ZNF197: variants seen among roughly 807,000 people sequenced by gnomAD.
ZNF197 encodes zinc finger protein 197, also known as VHL-associated KRAB-A domain-containing protein.
In ZNF197, 14 loss-of-function variants were observed where a neutral mutation model predicts 27.4. That is an observed-to-expected ratio of 0.51 (90% CI 0.34 to 0.80). The LOEUF is 0.80. ZNF197 is among the 30% of genes least tolerant of loss of function. The probability of loss-of-function intolerance (pLI) is 0.02; values close to 1 mark genes in which losing one functional copy is unlikely to be tolerated. For synonymous variants in ZNF197, 415 were observed against 420.0 expected (o/e 0.99, Z 0.15); for missense variants, 1,090 against 1,222.6 (o/e 0.89, Z 1.62).
rs146210821 is a variant in ZNF197 at position 44,644,510 on chromosome 3, CA to C, written c.*291del. On this transcript the variant is annotated 3_prime_UTR_variant, in exon 6 of 6. Coordinates refer to ENST00000344387, the MANE Select transcript of ZNF197 (RefSeq NM_006991.5). ...AAAATTATCCGGGCATGGGGGCACA[CA>C]CCGGTAATCCCAGCTACTCAGGAGG... 90 of 819,054 alleles carry C rather than the reference CA, an allele frequency of 1.1e-4. 1 individual carries two copies. The East Asian group carries it at 7.9e-3, about 72-fold the overall frequency. 50.7% of individuals were successfully genotyped at this position (819,054 alleles called of 1,614,324 possible).
At position 44,640,308 on chromosome 3, in the gene ZNF197, A is replaced by T. The variant is rs879402064; in HGVS notation, c.770-1592A>T. Among the ~76,000 whole-genome samples, 1 of 152,218 alleles carries T rather than the reference A, an allele frequency of 6.6e-6. No homozygotes were observed. Among genetic ancestry groups the T allele is most frequent in the African/African-American group, 2.4e-5 (1 of 41,450 alleles). ...ACTACTTGTAACACTTCATTTCCTT[A>T]TATAGAAATGTTTCATTATATAGAA... On this transcript the variant is annotated intron_variant, in intron 5 of 5. Transcript: ENST00000344387. The surrounding 1 kb of genome is among the most constrained non-coding windows in gnomAD (Gnocchi z 4.0).
chr3:44,642,344 A>G lies in ZNF197; in HGVS notation c.1214A>G (p.Lys405Arg), dbSNP rs751522832. ...CCTCATAAATGTAAGGAATGTGGAA[A>G]AGGCTTTATTCAGCGTTCGAGCCTT... The part of the protein sequence containing the change: ...EKPHKCKECG[K>R]GFIQRSSLLM... The change falls in exon 6 of 6, where the codon AAA becomes AGA. Residue 405 changes from lysine (K) to arginine (R), a missense_variant. Coordinates refer to ENST00000344387, the MANE Select transcript of ZNF197 (RefSeq NM_006991.5). 6.2e-7 allele frequency: 1 copy of G among 1,614,196 alleles called. No homozygotes were observed. Among genetic ancestry groups the G allele is most frequent in the Non-Finnish European group, 8.5e-7 (1 of 1,180,022 alleles).
rs1298267828 is a variant in ZNF197 at position 44,640,987 on chromosome 3, T to C, written c.770-913T>C. 1.2e-4 allele frequency among the ~76,000 whole-genome samples: 19 copies of C among 152,222 alleles called. No individual in the cohort carries two copies. The highest frequency in any genetic ancestry group is 4.4e-5 in the Non-Finnish European group (3 of 68,038). On this transcript the variant is annotated intron_variant, in intron 5 of 5. Coordinates refer to ENST00000344387, the MANE Select transcript of ZNF197 (RefSeq NM_006991.5). This position sits in a 1 kb window ranked among gnomAD's most constrained non-coding sequence, Gnocchi z 4.0. ...TGTTTAGATAGAAGAAAAGTATTGT[T>C]ATATTCAAAGAGAAGATGATGTTAC... is the stretch of plus-strand genomic sequence containing the variant.
chr3:44,628,793 T>C (rs1174416287), intron 1 of ZNF197, among the ~76,000 whole-genome samples: 2 of 152,006 alleles, frequency 1.3e-5, no homozygotes, highest in African/African-American at 4.8e-5. Context: ...ATTGTTAGAG[T>C]GGTAAAGAGT....
In ZNF197 at chr3:44,645,264, A is replaced by C; in HGVS notation, c.*1044A>C. 1.0e-6 allele frequency: 1 copy of C among 985,230 alleles called. No individual in the cohort carries two copies. Among genetic ancestry groups the C allele is most frequent in the Non-Finnish European group, 1.2e-6 (1 of 829,918 alleles). The allele number at this position is 985,230 out of a possible 1,614,324, so 61.0% of individuals were successfully genotyped here. ...AGTTGTCAATAAAGTTGGATAAAAGAGGTTATGGTAAAAGTTTAGAACATG... is the reference window on the plus strand; with the variant it reads ...AGTTGTCAATAAAGTTGGATAAAAGCGGTTATGGTAAAAGTTTAGAACATG... On this transcript the variant is annotated 3_prime_UTR_variant, in exon 6 of 6. Coordinates refer to ENST00000344387, the MANE Select transcript of ZNF197 (RefSeq NM_006991.5).
At position 44,646,233 on chromosome 3, in the gene ZNF197, A is replaced by T; in HGVS notation, c.*2013A>T. ...CTGTTAAACAGGAGGAAGAATATCT[A>T]CCTCACAAAGTTCTTATGAGATAAT... On this transcript the variant is annotated 3_prime_UTR_variant, in exon 6 of 6. Transcript: ENST00000344387. 1.0e-6 allele frequency: 1 copy of T among 977,224 alleles called. No individual in the cohort carries two copies. The highest frequency in any genetic ancestry group is 1.2e-6 in the Non-Finnish European group (1 of 822,408). 60.5% of individuals were successfully genotyped at this position (977,224 alleles called of 1,614,324 possible). A position where few individuals can be genotyped will look rare whatever the true frequency, so the allele number is the denominator to read the frequency against.
In ZNF197 at chr3:44,643,792, A is replaced by T; in HGVS notation, c.2662A>T (p.Asn888Tyr). The T allele has an allele frequency of 1.9e-6, 3 of 1,614,032 alleles. No homozygotes were observed. The highest frequency in any genetic ancestry group is 2.5e-6 in the Non-Finnish European group (3 of 1,180,040). The change falls in exon 6 of 6, where the codon AAT (asparagine) becomes TAT (tyrosine). Residue 888 changes from asparagine (N) to tyrosine (Y), a missense_variant. By Grantham distance (143) the Asn-to-Tyr change is moderately radical. Transcript: ENST00000344387. ...TAGGAAAGTCCTTACCTCTAGTAGA[A>T]ATCTTATGGTACATCAAAGAATCCA... ...VCRKVLTSSR[N>Y]LMVHQRIHTG...
At position 44,646,561 on chromosome 3, in the gene ZNF197, G is replaced by C; in HGVS notation, c.*2341G>C. Reference sequence around the variant, plus strand: ...GAGAAACAGACACATCCAGAACGTGGAATATTGCATAAGAAAGCTGCCCTG... The same window carrying C: ...GAGAAACAGACACATCCAGAACGTGCAATATTGCATAAGAAAGCTGCCCTG... On this transcript the variant is annotated 3_prime_UTR_variant, in exon 6 of 6. Transcript: ENST00000344387. The C allele has an allele frequency of 8.9e-7, 1 of 1,126,366 alleles. No individual in the cohort carries two copies. Among genetic ancestry groups the C allele is most frequent in the East Asian group, 2.3e-5 (1 of 42,590 alleles). 69.8% of individuals were successfully genotyped at this position (1,126,366 alleles called of 1,614,324 possible).
chr3:44,626,428 T>C (rs1304108332), intron 1 of ZNF197, among the ~76,000 whole-genome samples: 1 of 152,164 alleles, frequency 6.6e-6, no homozygotes, highest in East Asian at 1.9e-4. Flanking sequence ...AAAAACACTT[T>C]AAGCAAAGTC....
rs1703000951 is a variant in ZNF197, at chr3:44,647,186, G to A, written c.*2966G>A. The A allele has an allele frequency of 6.6e-6, 1 of 151,992 alleles. No homozygotes were observed. The allele number at this position is 151,992 out of a possible 1,614,324, so 9.4% of individuals were successfully genotyped here. On this transcript the variant is annotated 3_prime_UTR_variant, in exon 6 of 6. Transcript: ENST00000344387. ...AGCAAAAGACAGACATTTCACTGAAGTATAGATAGCAAATAAGCAAATGAA... is the reference window on the plus strand; with the variant it reads ...AGCAAAAGACAGACATTTCACTGAAATATAGATAGCAAATAAGCAAATGAA...
Position 44,646,768 on chromosome 3 carries a change from G to A in ZNF197, c.*2548G>A, listed in dbSNP as rs1251768882. On this transcript the variant is annotated 3_prime_UTR_variant, in exon 6 of 6. Coordinates refer to ENST00000344387, the MANE Select transcript of ZNF197 (RefSeq NM_006991.5). Reference sequence around the variant, plus strand: ...TTTTAAAAGATAATACTAGAGAGCCGTTAGGTACTAAGAACCAGAAATAGA... The same window carrying A: ...TTTTAAAAGATAATACTAGAGAGCCATTAGGTACTAAGAACCAGAAATAGA... 3.2e-5 allele frequency: 14 copies of A among 435,568 alleles called. No homozygotes were observed. The highest frequency in any genetic ancestry group is 1.5e-4 in the East Asian group (4 of 26,434). 27.0% of individuals were successfully genotyped at this position (435,568 alleles called of 1,614,324 possible). A position where few individuals can be genotyped will look rare whatever the true frequency, so the allele number is the denominator to read the frequency against.
In ZNF197 at chr3:44,642,357, G is replaced by T; in HGVS notation, c.1227G>T (p.Gln409His). The change falls in exon 6 of 6, where the codon CAG becomes CAT. Residue 409 changes from glutamine (Q) to histidine (H), a missense_variant. Coordinates refer to ENST00000344387, the MANE Select transcript of ZNF197 (RefSeq NM_006991.5). ...AGGAATGTGGAAAAGGCTTTATTCAGCGTTCGAGCCTTCTAATGCATTTAC... is the reference window on the plus strand; with the variant it reads ...AGGAATGTGGAAAAGGCTTTATTCATCGTTCGAGCCTTCTAATGCATTTAC... ...KCKECGKGFI[Q>H]RSSLLMHLRN... The T allele has an allele frequency of 6.2e-7, 1 of 1,614,094 alleles. No homozygotes were observed. The highest frequency in any genetic ancestry group is 8.5e-7 in the Non-Finnish European group (1 of 1,180,012).
Position 44,629,371 on chromosome 3 carries a change from C to G in ZNF197, c.217C>G (p.Pro73Ala). The change falls in exon 2 of 6, where the codon CCA (proline) becomes GCA (alanine). Residue 73 changes from proline (P) to alanine (A), a missense_variant. Coordinates refer to ENST00000344387, the MANE Select transcript of ZNF197 (RefSeq NM_006991.5). ...LRELCRRWLR[P>A]EARTKAQILE... is the part of the protein sequence containing the mutation. ...GGAACTCTGTCGCCGGTGGCTGAGACCAGAAGCACGCACCAAGGCACAGAT... is the reference window on the plus strand; with the variant it reads ...GGAACTCTGTCGCCGGTGGCTGAGAGCAGAAGCACGCACCAAGGCACAGAT... 1.2e-6 allele frequency: 2 copies of G among 1,614,102 alleles called. No individual in the cohort carries two copies. Among genetic ancestry groups the G allele is most frequent in the Non-Finnish European group, 1.7e-6 (2 of 1,180,010 alleles).
chr3:44,629,126 T>C lies in ZNF197; in HGVS notation c.-29T>C. ...AGTCAAGGATTAAGGAGACCTGGAC[T>C]GGAGAGGAGCCTTTTTCAAAAAACA... On this transcript the variant is annotated 5_prime_UTR_variant, in exon 2 of 6. Transcript: ENST00000344387. 1 of 1,581,130 alleles carries C rather than the reference T, an allele frequency of 6.3e-7. No homozygotes were observed. Among genetic ancestry groups the C allele is most frequent in the Non-Finnish European group, 8.6e-7 (1 of 1,167,752 alleles).
At chr3:44,633,878 T>G (rs1284244847) in intron 5 of ZNF197, among the ~76,000 whole-genome samples, 1 of 152,210 alleles carries the variant, frequency 6.6e-6, no homozygotes, top group Non-Finnish European at 1.5e-5. Flanking sequence ...ATGAAAGTAC[T>G]TTTTGTTTGT....
intron 3 of ZNF197, among the ~76,000 whole-genome samples, chr3:44,631,793 C>T (rs1410652126): frequency 6.6e-6 from 1 of 151,782 alleles, no homozygotes; most frequent in Non-Finnish European, 1.5e-5. Flanking sequence ...CTCCGCCTCC[C>T]AGGTTCAAGC....
In ZNF197 at chr3:44,629,064, G is replaced by C; in HGVS notation, c.-81-10G>C. ...GCTAACTTTAACAATGATTTCTTGAGGTCTTGTAGATGATACTCTCCAAGC... is the reference window on the plus strand; with the variant it reads ...GCTAACTTTAACAATGATTTCTTGACGTCTTGTAGATGATACTCTCCAAGC... On this transcript the variant is annotated splice_polypyrimidine_tract_variant and intron_variant, in intron 1 of 5. Coordinates refer to ENST00000344387, the MANE Select transcript of ZNF197 (RefSeq NM_006991.5). 6.7e-7 allele frequency: 1 copy of C among 1,503,064 alleles called. No individual in the cohort carries two copies. Among genetic ancestry groups the C allele is most frequent in the Non-Finnish European group, 8.9e-7 (1 of 1,126,562 alleles). The allele number at this position is 1,503,064 out of a possible 1,614,324, so 93.1% of individuals were successfully genotyped here.
In ZNF197 at chr3:44,629,469, T is replaced by A; in HGVS notation, c.315T>A (p.His105Gln). The change falls in exon 2 of 6, where the codon CAT (histidine) becomes CAA (glutamine). Residue 105 changes from histidine (H) to glutamine (Q), a missense_variant. Coordinates refer to ENST00000344387, the MANE Select transcript of ZNF197 (RefSeq NM_006991.5). ...PGEIRTWVQL[H>Q]HPGSGEEAVA... Reference sequence around the variant, plus strand: ...AGATTCGGACCTGGGTACAGCTCCATCACCCTGGAAGTGGCGAGGAGGCTG... The same window carrying A: ...AGATTCGGACCTGGGTACAGCTCCAACACCCTGGAAGTGGCGAGGAGGCTG... The A allele has an allele frequency of 6.2e-7, 1 of 1,611,868 alleles. No individual in the cohort carries two copies. Among genetic ancestry groups the A allele is most frequent in the Non-Finnish European group, 8.5e-7 (1 of 1,179,026 alleles).
At position 44,630,299 on chromosome 3, in the gene ZNF197, C is replaced by T. The variant is rs1210177105; in HGVS notation, c.390+755C>T. Reference sequence around the variant, plus strand: ...TTGGTAAGATCTCCTCTTGTGTGCCCTACTAGGGATCTGCAAGCCAAGGGA... The same window carrying T: ...TTGGTAAGATCTCCTCTTGTGTGCCTTACTAGGGATCTGCAAGCCAAGGGA... On this transcript the variant is annotated intron_variant, in intron 2 of 5. Transcript: ENST00000344387. 1.3e-5 allele frequency among the ~76,000 whole-genome samples: 2 copies of T among 152,106 alleles called. 1 individual carries two copies. Among genetic ancestry groups the T allele is most frequent in the Admixed American group, 1.3e-4 (2 of 15,276 alleles).
Sources: gnomAD v4.1 joint callset for allele counts (sites outside exome capture counted in the v4.1 genomes callset) on GRCh38, gnomAD v4.1.1 for gene constraint, Gnocchi (gnomAD v3.1) non-coding constraint, MANE v1.5 for transcripts, NCBI Gene and HGNC (gene_info 2026-07-23, HGNC 2026-07-21) for gene names.